NEMF: variants seen among roughly 807,000 people sequenced by gnomAD.
NEMF encodes ribosome quality control complex subunit NEMF.
NEMF carries 89 observed loss-of-function variants against 162.2 expected under a neutral mutation model. That is an observed-to-expected ratio of 0.55 (90% CI 0.46 to 0.65). NEMF has a LOEUF of 0.65. NEMF is among the 30% of genes least tolerant of loss of function. The pLI is 0.00. For synonymous variants in NEMF, 421 were observed against 404.5 expected (o/e 1.04, Z -0.49); for missense variants, 1,133 against 1,261.9 (o/e 0.90, Z 1.55).
chr14:49,803,297 G>A lies in NEMF; in HGVS notation c.1858-3C>T, dbSNP rs1235452954. 1 of 1,591,656 alleles carries A rather than the reference G, an allele frequency of 6.3e-7. No individual in the cohort carries two copies. The highest frequency in any genetic ancestry group is 8.6e-7 in the Non-Finnish European group (1 of 1,160,434). ...CCAGTTGGTGCTGTTTTAGATACCTGAAGAACACAATAATACATTATATTC... is the reference window on the plus strand; with the variant it reads ...CCAGTTGGTGCTGTTTTAGATACCTAAAGAACACAATAATACATTATATTC... On this transcript the variant is annotated splice_polypyrimidine_tract_variant and splice_region_variant and intron_variant, in intron 19 of 32. Coordinates refer to ENST00000298310, the MANE Select transcript of NEMF (RefSeq NM_004713.6).
intron 6 of NEMF, among the ~76,000 whole-genome samples, chr14:49,837,527 G>C (rs1454244695): frequency 6.6e-6 from 1 of 151,900 alleles, no homozygotes; most frequent in African/African-American, 2.4e-5. Flanking sequence ...AAAGAAATTT[G>C]CATTTGCCAG....
intron 3 of NEMF, among the ~76,000 whole-genome samples, chr14:49,849,061 T>A (rs763332752): frequency 6.6e-6 from 1 of 152,160 alleles, no homozygotes; most frequent in South Asian, 2.1e-4. Flanking sequence ...GCATTTTATA[T>A]ACTCACATAG....
At chr14:49,812,250 T>A (rs1349054798) in intron 18 of NEMF, among the ~76,000 whole-genome samples, 1 of 152,174 alleles carries the variant, frequency 6.6e-6, no homozygotes, top group East Asian at 1.9e-4. Context: ...ATCTGTAAAG[T>A]CGGAAGTAAT....
At chr14:49,812,798 G>A (rs1421014470) in intron 18 of NEMF, among the ~76,000 whole-genome samples, 1 of 149,304 alleles carries the variant, frequency 6.7e-6, no homozygotes, top group East Asian at 1.9e-4. Flanking sequence ...ATGTATTGAG[G>A]CTTTTTTTTT....
At position 49,845,787 on chromosome 14, in the gene NEMF, T is replaced by A. The variant is rs369931642; in HGVS notation, c.357+353A>T. On this transcript the variant is annotated intron_variant, in intron 4 of 32. Transcript: ENST00000298310. ...ACCAACGTTTATATGCAGTCTGTTG[T>A]TGACTGAAACATCACTATACATACA... 7.9e-5 allele frequency among the ~76,000 whole-genome samples: 12 copies of A among 152,376 alleles called. 1 individual carries two copies. The East Asian group carries it at 1.9e-3, about 24-fold the overall frequency.
chr14:49,787,746 T>C (rs1342887066), intron 28 of NEMF, among the ~76,000 whole-genome samples: 1 of 152,184 alleles, frequency 6.6e-6, no homozygotes, highest in East Asian at 1.9e-4. Context: ...AGTGAGTATT[T>C]GTGAGTCTAG....
chr14:49,785,658 C>T (rs917056688), intron 29 of NEMF: 21 of 229,272 alleles, frequency 9.2e-5, no homozygotes, highest in African/African-American at 4.6e-4. Context: ...CAGGCTGAGG[C>T]GGGTGGATCG....
At chr14:49,796,310 C>CT (rs1408186751) in intron 25 of NEMF, 2 of 462,116 alleles carry the variant, frequency 4.3e-6, no homozygotes, top group East Asian at 1.4e-4. Flanking sequence ...AATAAAACAT[C>CT]TGTTGACCGG....
chr14:49,831,190 C>T lies in NEMF; in HGVS notation c.945+109G>A, dbSNP rs1044005984. 26 of 656,248 alleles carry T rather than the reference C, an allele frequency of 4.0e-5. No homozygotes were observed. In the South Asian group the frequency reaches 4.4e-4, roughly 11 times the overall value. 40.7% of individuals were successfully genotyped at this position (656,248 alleles called of 1,614,324 possible). ...AAATAAAGAGGCAGGTCAGAGAGTT[C>T]CCATACTACTTCTTACACTCTTTCT... On this transcript the variant is annotated intron_variant, in intron 11 of 32. Transcript: ENST00000298310.
chr14:49,800,369 T>A (rs1339102542), intron 23 of NEMF, 51 bp downstream of exon 23: 1 of 1,310,552 alleles, frequency 7.6e-7, no homozygotes, highest in African/African-American at 1.5e-5. Flanking sequence ...GATTACCTCA[T>A]CATCATTCTC....
intron 3 of NEMF, among the ~76,000 whole-genome samples, chr14:49,848,467 A>G (rs1430469692): frequency 6.6e-6 from 1 of 152,204 alleles, no homozygotes; most frequent in East Asian, 1.9e-4. Context: ...CCTCTAAAAT[A>G]TCTTACAATT....
rs1216081384 is a variant in NEMF at position 49,833,452 on chromosome 14, T to C, written c.706A>G (p.Met236Val). The change falls in exon 8 of 33, where the codon ATG (methionine) becomes GTG (valine). Residue 236 changes from methionine to valine, a missense_variant. By Grantham distance (21) the Met-to-Val change is conservative. Around this residue, in one of 3 missense-constraint regions of NEMF, gnomAD observed 582 missense variants for 631.5 expected, o/e 0.92. Transcript: ENST00000298310. The part of the protein sequence containing the change: ...LVSLQKAEDY[M>V]KTTSNFSGKG... ...CCACTGAAGTTGGATGTTGTTTTCA[T>C]ATAGTCTTCTGCTTTCTGCAGAGAA... 3.8e-6 allele frequency: 6 copies of C among 1,587,858 alleles called. No homozygotes were observed. Among genetic ancestry groups the C allele is most frequent in the East Asian group, 2.2e-5 (1 of 44,642 alleles).
chr14:49,827,565 G>A (rs1192246411), intron 15 of NEMF, among the ~76,000 whole-genome samples: 1 of 152,048 alleles, frequency 6.6e-6, no homozygotes, highest in Non-Finnish European at 1.5e-5. Context: ...TTGGGAGGCC[G>A]AAGGTCAAGG....
At chr14:49,796,311 TGTTGACCGGTTG>T (rs1890689329) in intron 25 of NEMF, 3 of 461,804 alleles carry the variant, frequency 6.5e-6, no homozygotes, top group Non-Finnish European at 1.3e-5. Context: ...ATAAAACATC[TGTTGACCGGTTG>T]GTTGACTAAA....
rs1347591201 is a variant in NEMF, at chr14:49,789,494, A to AC, written c.2697+1dup. On this transcript the variant is annotated splice_donor_variant, in intron 27 of 32. Coordinates refer to ENST00000298310, the MANE Select transcript of NEMF (RefSeq NM_004713.6). LOFTEE classifies it high-confidence loss of function. ...GAAAAAATGTTTTTAGATGTTATTT[A>AC]CCCCCAGCAACTTCATGATAAGTTC... 6.2e-7 allele frequency: 1 copy of AC among 1,611,386 alleles called. No individual in the cohort carries two copies. The highest frequency in any genetic ancestry group is 1.7e-5 in the Admixed American group (1 of 59,414).
At chr14:49,790,516 C>G (rs1219491417) in intron 26 of NEMF, among the ~76,000 whole-genome samples, 2 of 152,080 alleles carry the variant, frequency 1.3e-5, no homozygotes, top group African/African-American at 4.8e-5. Flanking sequence ...GAAAACAATA[C>G]CAAGTGTTAC....
At chr14:49,817,276 CT>C (rs1891760964) in intron 16 of NEMF, among the ~76,000 whole-genome samples, 1 of 152,098 alleles carries the variant, frequency 6.6e-6, no homozygotes, top group African/African-American at 2.4e-5. Flanking sequence ...AACCTCATCT[CT>C]AATAAAAATA....
chr14:49,839,655 TAA>T (rs1893093741), intron 5 of NEMF: 1 of 152,216 alleles, frequency 6.6e-6, no homozygotes, highest in Non-Finnish European at 1.5e-5. Context: ...GAGTAGCTAA[TAA>T]GTCTCCTCAA....
At chr14:49,845,870 G>A in intron 4 of NEMF, 1 of 495,752 alleles carries the variant, frequency 2.0e-6, no homozygotes, top group Non-Finnish European at 3.5e-6. Context: ...GTCCTGAAAT[G>A]TCAAGTACCA....
Sources: gnomAD v4.1 joint callset for allele counts (sites outside exome capture counted in the v4.1 genomes callset) on GRCh38, gnomAD v4.1.1 for gene constraint, gnomAD v4.1.1 regional missense constraint, MANE v1.5 for transcripts, NCBI Gene and HGNC (gene_info 2026-07-23, HGNC 2026-07-21) for gene names.